Variants in UBR4 observed in about 807,000 individuals in gnomAD.
UBR4 encodes ubiquitin protein ligase E3 component n-recognin 4.
A neutral mutation model predicts 575.6 loss-of-function variants in UBR4; 124 were observed. The observed-to-expected ratio is 0.22, with a 90% CI of 0.19 to 0.25. UBR4 has a LOEUF of 0.25. UBR4 is among the 10% of genes least tolerant of loss of function. The pLI is 1.00. For synonymous variants in UBR4, 2,455 were observed against 2,473.7 expected (o/e 0.99, Z 0.22); for missense variants, 4,818 against 6,478.8 (o/e 0.74, Z 8.80).
chr1:19,136,686 C>G (rs2149848903), intron 60 of UBR4, among the ~76,000 whole-genome samples: 1 of 152,164 alleles, frequency 6.6e-6, no homozygotes, highest in East Asian at 1.9e-4. Context: ...TCAACTATAT[C>G]AAATAGAAGA....
At chr1:19,154,456 C>T (rs2086169177) in intron 44 of UBR4, among the ~76,000 whole-genome samples, 1 of 152,158 alleles carries the variant, frequency 6.6e-6, no homozygotes, top group African/African-American at 2.4e-5. Context: ...CTTACACACC[C>T]CTCTATTATT....
Position 19,129,094 on chromosome 1 carries a change from A to G in UBR4, c.8907-20T>C, listed in dbSNP as rs774437118. 1 of 1,606,434 alleles carries G rather than the reference A, an allele frequency of 6.2e-7. No homozygotes were observed. The highest frequency in any genetic ancestry group is 8.5e-7 in the Non-Finnish European group (1 of 1,173,124). ...TGCAGCCTAAAAGGGTGGGGAAAAG[A>G]TAGAAAATATGAGCTGTACTCCAAC... On this transcript the variant is annotated intron_variant, in intron 60 of 105. Transcript: ENST00000375254.
intron 60 of UBR4, among the ~76,000 whole-genome samples, chr1:19,131,269 A>T (rs10799695): frequency 1.7e-4 from 22 of 127,630 alleles, no homozygotes; most frequent in Admixed American, 2.4e-4. Context: ...AAAAAAAAAA[A>T]TAAACACAGC....
chr1:19,184,391 A>G (rs1276181604), intron 15 of UBR4, among the ~76,000 whole-genome samples: 1 of 152,222 alleles, frequency 6.6e-6, no homozygotes, highest in African/African-American at 2.4e-5. Context: ...ATGGCATTCC[A>G]GTTTAATATA....
At chr1:19,196,706 G>A (rs1162502360) in intron 8 of UBR4, among the ~76,000 whole-genome samples, 2 of 152,164 alleles carry the variant, frequency 1.3e-5, no homozygotes, top group Non-Finnish European at 2.9e-5. Flanking sequence ...CCCACAGCAA[G>A]ACTCAATCCC....
chr1:19,084,178 C>T (rs372009918), intron 102 of UBR4, among the ~76,000 whole-genome samples: 28 of 152,336 alleles, frequency 1.8e-4, no homozygotes, highest in Middle Eastern at 3.4e-3. Flanking sequence ...TAGAAGTAGC[C>T]GCTGCATCGA....
chr1:19,195,299 C>A (rs12116877), intron 8 of UBR4, among the ~76,000 whole-genome samples: 63,646 of 134,592 alleles, frequency 0.47, 14,081 homozygotes, highest in East Asian at 0.71. Context: ...ATAGTAAAAT[C>A]TAATAATTTC....
chr1:19,156,945 A>G lies in UBR4; in HGVS notation c.5761-20T>C. On this transcript the variant is annotated intron_variant, in intron 40 of 105. Transcript: ENST00000375254. ...GGTGATCTGCAAAGGAACAATGACT[A>G]ATTTATTCCTACTCCTGGTCCTCTC... 1 of 1,608,624 alleles carries G rather than the reference A, an allele frequency of 6.2e-7. No individual in the cohort carries two copies. Among genetic ancestry groups the G allele is most frequent in the East Asian group, 2.2e-5 (1 of 44,710 alleles).
intron 102 of UBR4, 123 bp from the exon 103 acceptor site, chr1:19,081,696 A>C (rs759614101): frequency 9.5e-7 from 1 of 1,051,194 alleles, no homozygotes; most frequent in Non-Finnish European, 1.5e-6. Context: ...TGGATGACTC[A>C]ACACTCCCCA....
At position 19,086,168 on chromosome 1, in the gene UBR4, T is replaced by C. The variant is rs766340163; in HGVS notation, c.14790A>G (p.Ser4930=). The change falls in exon 101 of 106, where the codon TCA becomes TCG. Residue 4930 remains serine, a synonymous_variant. Transcript: ENST00000375254. ...ACCTTGCCAAGCAAGTGGCAAAAGC[T>C]GATTCAGGGACATGAGGTCCCCAGA... is the stretch of plus-strand genomic sequence containing the variant. ...LPVWGPHVPE[S]AFATCLARHN... 1 of 1,613,996 alleles carries C rather than the reference T, an allele frequency of 6.2e-7. No individual in the cohort carries two copies. The highest frequency in any genetic ancestry group is 8.5e-7 in the Non-Finnish European group (1 of 1,180,000).
rs140039991 is a variant in UBR4 at position 19,157,232 on chromosome 1, A to C, written c.5761-307T>G. On this transcript the variant is annotated intron_variant, in intron 40 of 105. Coordinates refer to ENST00000375254, the MANE Select transcript of UBR4 (RefSeq NM_020765.3). The surrounding 1 kb of genome is among the most constrained non-coding windows in gnomAD (Gnocchi z 4.4). ...TAGTTTTCTAGGAAACTGTTTTTAA[A>C]ATGATTTTAGAGTTGTTTGAAGGAC... 2.0e-5 allele frequency among the ~76,000 whole-genome samples: 3 copies of C among 152,346 alleles called. No individual in the cohort carries two copies. In the East Asian group the frequency reaches 5.8e-4, roughly 29 times the overall value.
chr1:19,173,700 T>C, intron 22 of UBR4, 79 bp from the exon 23 acceptor site: 2 of 1,385,606 alleles, frequency 1.4e-6, no homozygotes, highest in Non-Finnish European at 2.0e-6. Flanking sequence ...CTACTCCAAA[T>C]ACAACTTTTA....
chr1:19,197,080 T>A, intron 8 of UBR4, 61 bp downstream of exon 8: 1 of 1,575,856 alleles, frequency 6.3e-7, no homozygotes, highest in South Asian at 1.2e-5. Flanking sequence ...ATTTTCATGG[T>A]TTCCTGAAAG....
rs2078504159 is a variant in UBR4 at position 19,100,336 on chromosome 1, CT to C, written c.13221+39del. On this transcript the variant is annotated intron_variant, in intron 89 of 105. Coordinates refer to ENST00000375254, the MANE Select transcript of UBR4 (RefSeq NM_020765.3). The surrounding 1 kb of genome is among the most constrained non-coding windows in gnomAD (Gnocchi z 4.2). Reference sequence around the variant, plus strand: ...ATTTGGTTAGCCTAGGAGGAAGCCCCTAATCGTAAACGTGGGCAGCACTGTC... The same window carrying C: ...ATTTGGTTAGCCTAGGAGGAAGCCCCAATCGTAAACGTGGGCAGCACTGTC... 6.2e-7 allele frequency: 1 copy of C among 1,610,146 alleles called. No homozygotes were observed. The highest frequency in any genetic ancestry group is 1.3e-5 in the African/African-American group (1 of 74,952).
At chr1:19,185,410 C>T (rs2091427629) in intron 14 of UBR4, 124 bp from the exon 15 acceptor site, 2 of 949,140 alleles carry the variant, frequency 2.1e-6, no homozygotes, top group Non-Finnish European at 3.0e-6. Context: ...ATGATGGTTA[C>T]AAGATTGCAT....
chr1:19,173,915 G>A (rs2089926124), intron 22 of UBR4, among the ~76,000 whole-genome samples: 1 of 152,188 alleles, frequency 6.6e-6, no homozygotes, highest in African/African-American at 2.4e-5. Flanking sequence ...AACCAAAAGA[G>A]GGCAGGACAT....
intron 97 of UBR4, among the ~76,000 whole-genome samples, chr1:19,090,879 G>A (rs578249350): frequency 6.6e-6 from 1 of 152,282 alleles, no homozygotes; most frequent in South Asian, 2.1e-4. Flanking sequence ...CGGATCACCT[G>A]AGGTCAGGAG....
At chr1:19,167,287 A>G in intron 28 of UBR4, 56 bp from the exon 29 acceptor site, 5 of 1,590,108 alleles carry the variant, frequency 3.1e-6, no homozygotes, top group Non-Finnish European at 4.3e-6. Context: ...AAAAGCTGCA[A>G]AGCAAGGACA....
intron 49 of UBR4, among the ~76,000 whole-genome samples, chr1:19,149,325 T>C (rs1265907348): frequency 1.3e-5 from 2 of 151,948 alleles, no homozygotes; most frequent in Non-Finnish European, 2.9e-5. Context: ...GAAAGAAAAG[T>C]ATTCAGAAGG....
Sources: allele counts gnomAD v4.1 joint callset (sites outside exome capture counted in the v4.1 genomes callset), GRCh38; gene constraint gnomAD v4.1.1; non-coding constraint Gnocchi (gnomAD v3.1); transcripts MANE v1.5; gene names NCBI Gene and HGNC (gene_info 2026-07-23, HGNC 2026-07-21).